EHMT1: variants seen among roughly 807,000 people sequenced by gnomAD.
EHMT1 encodes the protein histone-lysine N-methyltransferase EHMT1.
A neutral mutation model predicts 147.2 loss-of-function variants in EHMT1; 15 were observed. The observed-to-expected ratio is 0.10, with a 90% CI of 0.07 to 0.16. The LOEUF (loss-of-function observed/expected upper bound fraction) is 0.16. Among genes scored for constraint, EHMT1 ranks in the 10% least tolerant of loss-of-function variants. The pLI is 1.00. For missense variants in EHMT1, 1,587 were observed against 1,772.4 expected, an observed-to-expected ratio of 0.90 and a Z score of 1.88; for synonymous variants, 795 against 709.6, an observed-to-expected ratio of 1.12 and a Z score of -1.91.
chr9:137,690,617 T>C (rs1942853480), intron 1 of EHMT1, among the ~76,000 whole-genome samples: 1 of 152,172 alleles, frequency 6.6e-6, no homozygotes, highest in African/African-American at 2.4e-5. Flanking sequence ...TCGCCCAGGC[T>C]GGAGTGCAGT....
chr9:137,765,345 C>G (rs929599268), intron 10 of EHMT1, among the ~76,000 whole-genome samples: 1 of 152,118 alleles, frequency 6.6e-6, no homozygotes, highest in African/African-American at 2.4e-5. Context: ...ATCCGGAGGG[C>G]TTGATTTTGC....
At chr9:137,818,211 G>A (rs191591683) in intron 25 of EHMT1, 73 bp downstream of exon 25, 22 of 1,505,496 alleles carry the variant, frequency 1.5e-5, no homozygotes, top group Non-Finnish European at 2.0e-5. Context: ...TGTCCCAGTA[G>A]GGCTGGGATT....
Position 137,828,642 on chromosome 9 carries a change from G to C in EHMT1, c.3541-5707G>C, listed in dbSNP as rs1354664071. Among the ~76,000 whole-genome samples, 4 of 152,190 alleles carry C rather than the reference G, an allele frequency of 2.6e-5. No homozygotes were observed. Among genetic ancestry groups the C allele is most frequent in the Non-Finnish European group, 5.9e-5 (4 of 68,018 alleles). On this transcript the variant is annotated intron_variant, in intron 25 of 26. Coordinates refer to ENST00000460843, the MANE Select transcript of EHMT1 (RefSeq NM_024757.5). The surrounding 1 kb of genome is among the most constrained non-coding windows in gnomAD (Gnocchi z 5.3). ...CACAGATCCCACACTCACGGCCCAA[G>C]TGACGCTTGGTGCAGAGCTGGAAGG...
intron 10 of EHMT1, among the ~76,000 whole-genome samples, chr9:137,773,542 G>A (rs1271438451): frequency 6.6e-6 from 1 of 152,220 alleles, no homozygotes; most frequent in Non-Finnish European, 1.5e-5. Context: ...AGGTAGACAG[G>A]TTGGTTGTTC....
At chr9:137,832,017 C>T (rs967092265) in intron 25 of EHMT1, among the ~76,000 whole-genome samples, 2 of 149,152 alleles carry the variant, frequency 1.3e-5, no homozygotes, top group Admixed American at 1.3e-4. Flanking sequence ...CCTACGTGGC[C>T]GCTGCACTTC....
chr9:137,800,724 C>T (rs1442898575), intron 17 of EHMT1, 156 bp from the exon 18 acceptor site: 3 of 659,334 alleles, frequency 4.6e-6, no homozygotes, highest in African/African-American at 1.8e-5. Context: ...TGAGGAAGAA[C>T]TGTGGCCTCT....
chr9:137,804,041 G>A (rs1215971093), intron 18 of EHMT1, among the ~76,000 whole-genome samples: 1 of 152,166 alleles, frequency 6.6e-6, no homozygotes, highest in Non-Finnish European at 1.5e-5. Flanking sequence ...AGAAGGTGAA[G>A]GAGAAGCAAA....
At chr9:137,621,173 A>G (rs999793582) in intron 1 of EHMT1, among the ~76,000 whole-genome samples, 1 of 152,202 alleles carries the variant, frequency 6.6e-6, no homozygotes, top group Non-Finnish European at 1.5e-5. Context: ...CTAAGGGTTT[A>G]TCATCAAGGT....
intron 1 of EHMT1, among the ~76,000 whole-genome samples, chr9:137,692,130 A>G (rs1356074528): frequency 2.0e-5 from 3 of 152,186 alleles, no homozygotes; most frequent in Admixed American, 1.3e-4. Context: ...GTATCAGGCA[A>G]GGTTCCAGAA....
chr9:137,737,638 CAAAA>C (rs907015104), intron 4 of EHMT1, among the ~76,000 whole-genome samples: 2 of 150,628 alleles, frequency 1.3e-5, no homozygotes, highest in Non-Finnish European at 3.0e-5. Context: ...GTGTAGGTAA[CAAAA>C]AAAAAGGAGA....
At chr9:137,765,031 G>A (rs897104856) in intron 10 of EHMT1, among the ~76,000 whole-genome samples, 1 of 152,358 alleles carries the variant, frequency 6.6e-6, no homozygotes, top group South Asian at 2.1e-4. Flanking sequence ...AGGTTCGTGC[G>A]CTGGGAGCGG....
At chr9:137,737,741 A>C (rs751621290) in intron 4 of EHMT1, among the ~76,000 whole-genome samples, 2 of 152,166 alleles carry the variant, frequency 1.3e-5, no homozygotes, top group Non-Finnish European at 2.9e-5. Context: ...TTACTGCTGC[A>C]CTTGGCTAGT....
intron 1 of EHMT1, among the ~76,000 whole-genome samples, chr9:137,663,440 C>T (rs1564553712): frequency 6.6e-6 from 1 of 152,126 alleles, no homozygotes; most frequent in Non-Finnish European, 1.5e-5. Context: ...GTCCTGTGTG[C>T]TGGAGTGGAC....
chr9:137,742,289 T>TTGTG (rs56080406), intron 4 of EHMT1, among the ~76,000 whole-genome samples: 12,467 of 134,960 alleles, frequency 0.092, 753 homozygotes, highest in African/African-American at 0.17. Context: ...AGAACCAAAT[T>TTGTG]TGTGTGTGTG....
At chr9:137,809,653 G>C (rs113135537) in intron 18 of EHMT1, among the ~76,000 whole-genome samples, 73 of 152,360 alleles carry the variant, frequency 4.8e-4, no homozygotes, top group Non-Finnish European at 9.3e-4. Context: ...CTTCAGGAAC[G>C]TGAAACGCTC....
intron 1 of EHMT1, among the ~76,000 whole-genome samples, chr9:137,653,337 C>T (rs188043967): frequency 6.6e-6 from 1 of 152,194 alleles, no homozygotes; most frequent in African/African-American, 2.4e-5. Flanking sequence ...GCAATAGGCT[C>T]TACCCCATAG....
At chr9:137,640,017 C>T (rs1263923878) in intron 1 of EHMT1, among the ~76,000 whole-genome samples, 2 of 152,146 alleles carry the variant, frequency 1.3e-5, no homozygotes, top group African/African-American at 4.8e-5. Context: ...TCACCGTAAC[C>T]TCTGCCTCCC....
chr9:137,686,730 CTTTTT>C (rs34204547), intron 1 of EHMT1, among the ~76,000 whole-genome samples: 12 of 111,010 alleles, frequency 1.1e-4, no homozygotes, highest in Non-Finnish European at 1.9e-4. Context: ...CTCATTCTTT[CTTTTT>C]TTTTTTTTTT....
At chr9:137,747,837 T>G (rs192470052) in intron 6 of EHMT1, 19 of 151,626 alleles carry the variant, frequency 1.3e-4, no homozygotes, top group Admixed American at 2.6e-4. Context: ...ACCCCTCTCC[T>G]GAGTGCTAAC....
Sources: allele counts gnomAD v4.1 joint callset (sites outside exome capture counted in the v4.1 genomes callset), GRCh38; gene constraint gnomAD v4.1.1; non-coding constraint Gnocchi (gnomAD v3.1); transcripts MANE v1.5; gene names NCBI Gene and HGNC (gene_info 2026-07-23, HGNC 2026-07-21).